Variants in DIAPH1 observed in about 807,000 individuals in gnomAD.
DIAPH1 encodes the protein protein diaphanous homolog 1.
In DIAPH1, 46 loss-of-function variants were observed where a neutral mutation model predicts 140.7. That is an observed-to-expected ratio of 0.33 (90% CI 0.26 to 0.42). The LOEUF is 0.42. DIAPH1 is among the 10% of genes least tolerant of loss of function. The pLI is 1.00. For synonymous variants in DIAPH1, 565 were observed against 551.6 expected (o/e 1.02, Z -0.34); for missense variants, 1,310 against 1,558.7 (o/e 0.84, Z 2.69).
intron 18 of DIAPH1, 72 bp downstream of exon 18, chr5:141,571,356 T>C (rs1384880011): frequency 2.3e-6 from 3 of 1,277,042 alleles, no homozygotes; most frequent in Non-Finnish European, 3.3e-6. Context: ...AATGAGAAAT[T>C]CCTTTATATC....
At chr5:141,536,735 C>A (rs2099889075) in intron 18 of DIAPH1, among the ~76,000 whole-genome samples, 1 of 151,902 alleles carries the variant, frequency 6.6e-6, no homozygotes, top group Non-Finnish European at 1.5e-5. Flanking sequence ...CAGGCAGAGG[C>A]AATAACAAAT....
chr5:141,564,651 A>G (rs1481914531), intron 18 of DIAPH1: 1 of 152,204 alleles, frequency 6.6e-6, no homozygotes, highest in East Asian at 1.9e-4. Context: ...TTTGGTGCAT[A>G]GAGTAAGAGA....
At chr5:141,542,711 G>A (rs1052434787) in intron 18 of DIAPH1, among the ~76,000 whole-genome samples, 1 of 152,178 alleles carries the variant, frequency 6.6e-6, no homozygotes, top group Non-Finnish European at 1.5e-5. Context: ...GGAATGAGGA[G>A]CAACTGCTTA....
In DIAPH1 at chr5:141,560,679, C is replaced by T. The variant is rs117228349; in HGVS notation, c.2482+10749G>A. ...AGTTTTAATCTCTGCTGTATCTCAC[C>T]CACGCTAACCTAAATAAATACTGAG... On this transcript the variant is annotated intron_variant, in intron 18 of 27. Transcript: ENST00000389054. 7 of 307,328 alleles carry T rather than the reference C, an allele frequency of 2.3e-5. No homozygotes were observed. The East Asian group carries it at 5.3e-4, about 23-fold the overall frequency. 19.0% of individuals were successfully genotyped at this position (307,328 alleles called of 1,614,324 possible). A position where few individuals can be genotyped will look rare whatever the true frequency, so the allele number is the denominator to read the frequency against.
chr5:141,598,897 G>A (rs767324974), intron 1 of DIAPH1, among the ~76,000 whole-genome samples: 2 of 152,068 alleles, frequency 1.3e-5, no homozygotes, highest in Non-Finnish European at 2.9e-5. Flanking sequence ...TTTTAAAAAC[G>A]GTCCAATGGC....
chr5:141,554,507 T>C (rs1195979387), intron 18 of DIAPH1, among the ~76,000 whole-genome samples: 1 of 145,868 alleles, frequency 6.9e-6, no homozygotes, highest in African/African-American at 2.5e-5. Flanking sequence ...ATTCCACCAA[T>C]TTTACGCAAA....
At chr5:141,570,914 A>C (rs1407783880) in intron 18 of DIAPH1, among the ~76,000 whole-genome samples, 1 of 152,120 alleles carries the variant, frequency 6.6e-6, no homozygotes, top group Non-Finnish European at 1.5e-5. Context: ...AATAAAAGGA[A>C]CCATATGAAG....
At chr5:141,537,097 G>C (rs1467552978) in intron 18 of DIAPH1, among the ~76,000 whole-genome samples, 1 of 152,052 alleles carries the variant, frequency 6.6e-6, no homozygotes, top group Admixed American at 6.6e-5. Flanking sequence ...GAGCCCAGGA[G>C]GTTGAGGCTG....
intron 18 of DIAPH1, among the ~76,000 whole-genome samples, chr5:141,544,309 T>C (rs2099890456): frequency 6.6e-6 from 1 of 151,004 alleles, no homozygotes; most frequent in Non-Finnish European, 1.5e-5. Flanking sequence ...AGACTCCATC[T>C]CAAAAAAATA....
intron 18 of DIAPH1, chr5:141,563,575 T>C (rs1413568065): frequency 6.6e-6 from 1 of 152,176 alleles, no homozygotes; most frequent in Non-Finnish European, 1.5e-5. Flanking sequence ...GTTTAAGTAA[T>C]ACTGACCCCC....
At chr5:141,586,224 T>A (rs1596391503) in intron 3 of DIAPH1, among the ~76,000 whole-genome samples, 1 of 152,084 alleles carries the variant, frequency 6.6e-6, no homozygotes. Flanking sequence ...CAGACCATAC[T>A]CTTAAGACTC....
At chr5:141,579,235 A>T (rs775223053) in intron 8 of DIAPH1, 39 bp from the exon 9 acceptor site, 3 of 1,487,096 alleles carry the variant, frequency 2.0e-6, no homozygotes, top group East Asian at 4.5e-5. Context: ...CTTTCCAGGT[A>T]CTGTGACACG....
chr5:141,530,790 C>A (rs1181114865), intron 19 of DIAPH1, among the ~76,000 whole-genome samples: 2 of 152,268 alleles, frequency 1.3e-5, no homozygotes, highest in East Asian at 1.9e-4. Flanking sequence ...CTCAGATAAG[C>A]CTTTTGGAAT....
chr5:141,609,430 T>C (rs1596411602), intron 1 of DIAPH1, among the ~76,000 whole-genome samples: 1 of 152,224 alleles, frequency 6.6e-6, no homozygotes. Flanking sequence ...AGTAAGTCCA[T>C]GAGTTTTGAA....
At chr5:141,616,743 C>T (rs745986090) in intron 1 of DIAPH1, among the ~76,000 whole-genome samples, 2 of 152,192 alleles carry the variant, frequency 1.3e-5, no homozygotes, top group Non-Finnish European at 2.9e-5. Flanking sequence ...ATGCAATTTT[C>T]CTCATTACCT....
chr5:141,584,259 T>C (rs764235952), intron 3 of DIAPH1, 34 bp from the exon 4 acceptor site: 1 of 1,267,954 alleles, frequency 7.9e-7, no homozygotes, highest in Non-Finnish European at 1.2e-6. Context: ...AAAAACAAAA[T>C]TGCCTCAAAT....
chr5:141,529,550 A>G, intron 20 of DIAPH1, 53 bp downstream of exon 20: 1 of 1,387,684 alleles, frequency 7.2e-7, no homozygotes, highest in Non-Finnish European at 1.0e-6. Flanking sequence ...AGATGAGGCC[A>G]GTGCCCAGCG....
chr5:141,534,033 C>CAAAAAAAAAAAA (rs35815835), intron 19 of DIAPH1, among the ~76,000 whole-genome samples: 1 of 49,968 alleles, frequency 2.0e-5, no homozygotes, highest in East Asian at 7.1e-4. Context: ...GACTGTGTCT[C>CAAAAAAAAAAAA]AAAAAAAAAA....
intron 1 of DIAPH1, among the ~76,000 whole-genome samples, chr5:141,590,456 C>A (rs137928172): frequency 2.1e-3 from 319 of 152,268 alleles, no homozygotes; most frequent in African/African-American, 7.4e-3. Flanking sequence ...CCACCCAAGA[C>A]AACCAACAAC....
Sources: allele counts gnomAD v4.1 joint callset (sites outside exome capture counted in the v4.1 genomes callset), GRCh38; gene constraint gnomAD v4.1.1; transcripts MANE v1.5; gene names NCBI Gene and HGNC (gene_info 2026-07-23, HGNC 2026-07-21).